OSBPL10: variants seen among roughly 807,000 people sequenced by gnomAD.
The protein encoded by OSBPL10 is oxysterol-binding protein-related protein 10.
A neutral mutation model predicts 81.7 loss-of-function variants in OSBPL10; 49 were observed. The observed-to-expected ratio is 0.60, with a 90% CI of 0.48 to 0.76. The LOEUF (loss-of-function observed/expected upper bound fraction) is 0.76, where lower values mean the gene tolerates loss of function less well. Among genes scored for constraint, OSBPL10 ranks in the 30% least tolerant of loss-of-function variants. OSBPL10 has a pLI of 0.00. For missense variants in OSBPL10, 923 were observed against 987.8 expected (o/e 0.93, Z 0.88); for synonymous variants, 419 against 383.6 (o/e 1.09, Z -1.08).
At chr3:31,802,633 C>G in intron 4 of OSBPL10, among the ~76,000 whole-genome samples, 1 of 151,388 alleles carries the variant, frequency 6.6e-6, no homozygotes. Context: ...GGTATTAATT[C>G]CCCTTCTTTT....
chr3:31,816,012 C>T (rs1485395332), intron 4 of OSBPL10, among the ~76,000 whole-genome samples: 1 of 152,148 alleles, frequency 6.6e-6, no homozygotes, highest in Non-Finnish European at 1.5e-5. Context: ...TCAAAGGCAC[C>T]TAAGACATGA....
chr3:31,714,049 C>T (rs1696351689), intron 6 of OSBPL10: 1 of 152,202 alleles, frequency 6.6e-6, no homozygotes, highest in Admixed American at 6.5e-5. Flanking sequence ...GGTAACAGAA[C>T]TCAGGCCCTA....
intron 4 of OSBPL10, among the ~76,000 whole-genome samples, chr3:31,773,191 T>C (rs79395242): frequency 1.3e-5 from 2 of 152,186 alleles, no homozygotes; most frequent in Non-Finnish European, 2.9e-5. Flanking sequence ...ACATACAGAT[T>C]GGCAAATTTC....
Position 31,748,110 on chromosome 3 carries a change from T to C in OSBPL10, c.740A>G (p.Gln247Arg), listed in dbSNP as rs774347077. 7 of 1,612,404 alleles carry C rather than the reference T, an allele frequency of 4.3e-6. No individual in the cohort carries two copies. The highest frequency in any genetic ancestry group is 5.1e-6 in the Non-Finnish European group (6 of 1,179,260). The change falls in exon 5 of 12, where the codon CAG (glutamine) becomes CGG (arginine). Residue 247 changes from glutamine (Q) to arginine (R), a missense_variant. Gln to Arg is a conservative substitution (Grantham distance 43). Coordinates refer to ENST00000396556, the MANE Select transcript of OSBPL10 (RefSeq NM_017784.5). Reference protein sequence around the residue: ...QLHEVREMMNQVEGQQKNLVH... With the variant: ...QLHEVREMMNRVEGQQKNLVH... ...AAGGTTCTTCTGCTGCCCTTCCACC[T>C]GGTTCATCATCTACAAAACAAGAAG...
At chr3:31,810,264 T>C (rs977315799) in intron 4 of OSBPL10, among the ~76,000 whole-genome samples, 1 of 152,206 alleles carries the variant, frequency 6.6e-6, no homozygotes, top group Non-Finnish European at 1.5e-5. Context: ...TTTGTGGTAA[T>C]ATTGCACAAC....
intron 8 of OSBPL10, among the ~76,000 whole-genome samples, chr3:31,676,010 G>T (rs1339622566): frequency 1.3e-5 from 2 of 151,358 alleles, no homozygotes; most frequent in East Asian, 3.9e-4. Context: ...TGTGAGGGAT[G>T]GAAGAGACAC....
chr3:31,928,585 G>A (rs895392844), intron 1 of OSBPL10, among the ~76,000 whole-genome samples: 1 of 151,696 alleles, frequency 6.6e-6, no homozygotes, highest in South Asian at 2.1e-4. Flanking sequence ...GACCAGTCTG[G>A]CCAACATGCT....
chr3:31,816,389 G>A (rs555797922), intron 4 of OSBPL10, among the ~76,000 whole-genome samples: 3 of 152,290 alleles, frequency 2.0e-5, no homozygotes, highest in East Asian at 3.9e-4. Flanking sequence ...CAAGAACCAA[G>A]CCTGCTTGAC....
chr3:31,723,147 G>A (rs1304869769), intron 6 of OSBPL10, among the ~76,000 whole-genome samples: 1 of 152,224 alleles, frequency 6.6e-6, no homozygotes, highest in Non-Finnish European at 1.5e-5. Context: ...AGCCAATAGA[G>A]AGAACTTTAT....
intron 4 of OSBPL10, among the ~76,000 whole-genome samples, chr3:31,752,497 T>C (rs1263096193): frequency 2.6e-5 from 4 of 152,094 alleles, no homozygotes; most frequent in African/African-American, 9.7e-5. Flanking sequence ...GATAAGAAAC[T>C]TGTCAGAGAG....
intron 9 of OSBPL10, among the ~76,000 whole-genome samples, chr3:31,670,118 C>T (rs1048307782): frequency 6.6e-6 from 1 of 152,186 alleles, no homozygotes; most frequent in Admixed American, 6.5e-5. Flanking sequence ...TGTGTGCTGG[C>T]TCCAGGTGTC....
chr3:31,667,717 A>G (rs1319908742), intron 10 of OSBPL10, among the ~76,000 whole-genome samples: 3 of 152,246 alleles, frequency 2.0e-5, no homozygotes, highest in Admixed American at 2.0e-4. Context: ...GCAACTACCT[A>G]ACTCAGCCAT....
chr3:31,675,441 C>T (rs549940414), intron 8 of OSBPL10, among the ~76,000 whole-genome samples: 28 of 152,296 alleles, frequency 1.8e-4, no homozygotes, highest in African/African-American at 6.3e-4. Flanking sequence ...GCAATCTTAA[C>T]TTCTCTGTGC....
intron 2 of OSBPL10, among the ~76,000 whole-genome samples, chr3:32,016,687 A>T (rs1369992324): frequency 6.6e-6 from 1 of 152,214 alleles, no homozygotes; most frequent in Non-Finnish European, 1.5e-5. Context: ...ATAGGTTGTC[A>T]AAAAGCTAGA....
chr3:31,665,637 G>C (rs955431117), intron 10 of OSBPL10, among the ~76,000 whole-genome samples: 5 of 152,304 alleles, frequency 3.3e-5, no homozygotes, highest in African/African-American at 1.2e-4. Context: ...GATCTGATTG[G>C]TCTCTCAGTC....
At chr3:31,797,892 C>G (rs186859062) in intron 4 of OSBPL10, 62 of 435,340 alleles carry the variant, frequency 1.4e-4, no homozygotes, top group African/African-American at 1.2e-3. Context: ...AGCTATGGTT[C>G]TTTCTAGCAC....
intron 3 of OSBPL10, among the ~76,000 whole-genome samples, chr3:31,841,595 G>C (rs575233024): frequency 3.4e-4 from 52 of 152,358 alleles, no homozygotes; most frequent in African/African-American, 1.3e-3. Flanking sequence ...AGTTAGAAAA[G>C]CTGTAGTAGA....
At chr3:32,028,330 C>T (rs1445909245) in intron 2 of OSBPL10, among the ~76,000 whole-genome samples, 1 of 152,204 alleles carries the variant, frequency 6.6e-6, no homozygotes, top group Non-Finnish European at 1.5e-5. Flanking sequence ...ATTTCATTCA[C>T]TTTCTTCTCT....
At chr3:31,816,285 C>T (rs892901261) in intron 4 of OSBPL10, among the ~76,000 whole-genome samples, 3 of 152,088 alleles carry the variant, frequency 2.0e-5, no homozygotes, top group Non-Finnish European at 2.9e-5. Context: ...TTTAACCAAC[C>T]GCCTAGATCA....
Sources: allele counts gnomAD v4.1 joint callset (sites outside exome capture counted in the v4.1 genomes callset), GRCh38; gene constraint gnomAD v4.1.1; transcripts MANE v1.5; gene names NCBI Gene and HGNC (gene_info 2026-07-23, HGNC 2026-07-21).